KCNAB2: variants seen among roughly 807,000 people sequenced by gnomAD.
KCNAB2 encodes potassium voltage-gated channel subfamily A regulatory beta subunit 2, also known as voltage-gated potassium channel subunit beta-2.
Under a neutral mutation model 63.6 loss-of-function variants are expected in KCNAB2, and 29 were observed. The ratio of observed to expected loss-of-function variants is 0.46; its 90% CI spans 0.34 to 0.62. The LOEUF is 0.62. Ranked by LOEUF, KCNAB2 falls within the 20% of genes least tolerant of loss-of-function variation. The pLI is 0.01. For synonymous variants in KCNAB2, 222 were observed against 224.2 expected, an observed-to-expected ratio of 0.99 and a Z score of 0.09; for missense variants, 359 against 563.9, an observed-to-expected ratio of 0.64 and a Z score of 3.68.
intron 1 of KCNAB2, among the ~76,000 whole-genome samples, chr1:6,020,594 A>G (rs1034102681): frequency 1.3e-5 from 2 of 152,180 alleles, no homozygotes; most frequent in South Asian, 4.1e-4. Context: ...AAAATTCAGG[A>G]AATATAGGGG....
At chr1:6,082,503 G>A (rs183410504) in intron 5 of KCNAB2, among the ~76,000 whole-genome samples, 2 of 152,128 alleles carry the variant, frequency 1.3e-5, no homozygotes, top group African/African-American at 4.8e-5. Flanking sequence ...CCACCAGGGG[G>A]ACCACAGTCC....
At chr1:6,019,860 G>C (rs931837932) in intron 1 of KCNAB2, among the ~76,000 whole-genome samples, 2 of 152,242 alleles carry the variant, frequency 1.3e-5, no homozygotes, top group Admixed American at 6.5e-5. Context: ...GGTGTCCTCA[G>C]ATGCTCCAGG....
At position 6,003,910 on chromosome 1, in the gene KCNAB2, A is replaced by C. The variant is rs1570821697; in HGVS notation, c.-53+11122A>C. 6.6e-6 allele frequency among the ~76,000 whole-genome samples: 1 copy of C among 152,142 alleles called. No individual in the cohort carries two copies. Among genetic ancestry groups the C allele is most frequent in the South Asian group, 2.1e-4 (1 of 4,826 alleles). ...GGCCTTTAATGGATGTGGTGGAGTA[A>C]AGCTGCCTTTCAAATTGCTGCCGCA... On this transcript the variant is annotated intron_variant, in intron 1 of 16. Coordinates refer to the KCNAB2 transcript ENST00000341524. The surrounding 1 kb of genome is among the most constrained non-coding windows in gnomAD (Gnocchi z 4.1).
In KCNAB2 at chr1:6,098,737, C is replaced by A; in HGVS notation, c.*163C>A. 2.3e-6 allele frequency: 2 copies of A among 856,356 alleles called. No homozygotes were observed. The highest frequency in any genetic ancestry group is 3.5e-6 in the Non-Finnish European group (2 of 566,618). The allele number at this position is 856,356 out of a possible 1,614,324, so 53.0% of individuals were successfully genotyped here. On this transcript the variant is annotated 3_prime_UTR_variant, in exon 16 of 16. Transcript: ENST00000378083. ...GATCTCCCAAGTCGCTGCCAGACAC[C>A]ACCCACTGCTTCGCCGGACAATGTC...
chr1:6,088,896 G>A lies in KCNAB2; in HGVS notation c.471-112G>A, dbSNP rs533008596. 2,965 of 928,982 alleles carry A rather than the reference G, an allele frequency of 3.2e-3. 4 individuals are homozygous for A. The highest frequency in any genetic ancestry group is 3.9e-3 in the Non-Finnish European group (2,382 of 612,146). The allele number at this position is 928,982 out of a possible 1,614,324, so 57.5% of individuals were successfully genotyped here. On this transcript the variant is annotated intron_variant, in intron 7 of 15. Coordinates refer to ENST00000378083, the MANE Select transcript of KCNAB2 (RefSeq NM_001199862.2). ...CCCAAAGTGGAATCCGACTCCACAC[G>A]GCATTTGCTGACCCTGTTTTTGCGT... is the stretch of plus-strand genomic sequence containing the variant.
intron 1 of KCNAB2, 141 bp from the exon 2 acceptor site, chr1:6,051,370 C>A (rs1570961209): frequency 1.0e-6 from 1 of 973,302 alleles, no homozygotes; most frequent in Non-Finnish European, 1.4e-6. Flanking sequence ...GGGGCCGGGT[C>A]CCACTCCTAG....
chr1:6,096,198 T>G lies in KCNAB2; in HGVS notation c.949-438T>G. The G allele has an allele frequency of 2.2e-6, 1 of 456,498 alleles. No homozygotes were observed. Among genetic ancestry groups the G allele is most frequent in the Non-Finnish European group, 4.4e-6 (1 of 227,814 alleles). The allele number at this position is 456,498 out of a possible 1,614,324, so 28.3% of individuals were successfully genotyped here. ...CTGGCCCCCGACTCCTCCCATCCCA[T>G]GGCAAGGTCAGGGCCCCCCTCCAGG... On this transcript the variant is annotated intron_variant, in intron 13 of 15. Transcript: ENST00000378083. This position sits in a 1 kb window ranked among gnomAD's most constrained non-coding sequence, Gnocchi z 5.9.
intron 1 of KCNAB2, among the ~76,000 whole-genome samples, chr1:6,012,873 G>A (rs986968632): frequency 2.6e-5 from 4 of 152,016 alleles, no homozygotes; most frequent in Non-Finnish European, 5.9e-5. Flanking sequence ...ACCCATGCAC[G>A]CATGCCCATG....
At position 6,073,841 on chromosome 1, in the gene KCNAB2, CG is replaced by C; in HGVS notation, c.300+72del. 3 of 1,499,484 alleles carry C rather than the reference CG, an allele frequency of 2.0e-6. No individual in the cohort carries two copies. The highest frequency in any genetic ancestry group is 1.7e-4 in the Middle Eastern group (1 of 5,824). The allele number at this position is 1,499,484 out of a possible 1,614,324, so 92.9% of individuals were successfully genotyped here. ...CCAGAGCACATGGTTAAGTCTGCCG[CG>C]TGGACCAGTGAGCACGTGCTCCCGG... On this transcript the variant is annotated intron_variant, in intron 4 of 15. Transcript: ENST00000378083. This position sits in a 1 kb window ranked among gnomAD's most constrained non-coding sequence, Gnocchi z 5.7.
upstream of KCNAB2, chr1:6,041,367 G>T (rs552976538): frequency 1.4e-3 from 256 of 183,360 alleles, no homozygotes; most frequent in African/African-American, 5.7e-3. Flanking sequence ...CAGAGCCCGT[G>T]TCTGTGACAG....
At chr1:6,094,897 T>C (rs997143548) in intron 11 of KCNAB2, among the ~76,000 whole-genome samples, 1 of 152,194 alleles carries the variant, frequency 6.6e-6, no homozygotes, top group Non-Finnish European at 1.5e-5. Flanking sequence ...ACGTGCCCGG[T>C]GCTGTTAGGG....
chr1:6,066,824 A>G (rs1557475415), intron 2 of KCNAB2, among the ~76,000 whole-genome samples: 1 of 151,806 alleles, frequency 6.6e-6, no homozygotes, highest in East Asian at 1.9e-4. Flanking sequence ...AGCAGGCGGG[A>G]CTCTTGCTCC....
intron 1 of KCNAB2, among the ~76,000 whole-genome samples, chr1:6,016,490 C>T (rs1270808986): frequency 2.6e-5 from 4 of 152,222 alleles, no homozygotes; most frequent in South Asian, 2.1e-4. Flanking sequence ...TTCAATAGAC[C>T]GTGGAGCCAA....
At chr1:6,046,371 G>T (rs189159990) in intron 1 of KCNAB2, among the ~76,000 whole-genome samples, 188 bp downstream of exon 1, 1 of 152,328 alleles carries the variant, frequency 6.6e-6, no homozygotes, top group African/African-American at 2.4e-5. Flanking sequence ...AACTTGGAAT[G>T]ACCGTGATGG....
intron 15 of KCNAB2, chr1:6,098,094 G>A (rs562962885): frequency 6.6e-4 from 619 of 940,754 alleles, no homozygotes; most frequent in Admixed American, 1.3e-3. Flanking sequence ...AGGCGAGGTG[G>A]AAGTCGGTCC....
intron 1 of KCNAB2, among the ~76,000 whole-genome samples, chr1:6,047,683 GCC>G (rs925261183): frequency 2.6e-5 from 4 of 152,282 alleles, no homozygotes; most frequent in Admixed American, 1.3e-4. Flanking sequence ...AAATATCTGA[GCC>G]CCTCCTCTGT....
At position 6,087,420 on chromosome 1, in the gene KCNAB2, C is replaced by T. The variant is rs1664794567; in HGVS notation, c.426-47C>T. 1.2e-6 allele frequency: 2 copies of T among 1,604,904 alleles called. No individual in the cohort carries two copies. Among genetic ancestry groups the T allele is most frequent in the Non-Finnish European group, 1.7e-6 (2 of 1,171,612 alleles). ...GACGTCGGGGATGAAGGAGGACCCC[C>T]CAGGGGCCGGGCTTATCACACCCCT... On this transcript the variant is annotated intron_variant, in intron 6 of 15. Transcript: ENST00000378083. This position sits in a 1 kb window ranked among gnomAD's most constrained non-coding sequence, Gnocchi z 6.4.
intron 1 of KCNAB2, among the ~76,000 whole-genome samples, chr1:6,016,293 G>A (rs576196124): frequency 2.0e-5 from 3 of 152,290 alleles, no homozygotes; most frequent in African/African-American, 7.2e-5. Context: ...GGGTGGGTGG[G>A]ACTCCACAGG....
chr1:6,077,612 C>T (rs1473158269), intron 4 of KCNAB2, among the ~76,000 whole-genome samples: 1 of 152,182 alleles, frequency 6.6e-6, no homozygotes, highest in Non-Finnish European at 1.5e-5. Flanking sequence ...GCTTTCCTCC[C>T]AGGAGGGAGC....
Sources: gnomAD v4.1 joint callset for allele counts (sites outside exome capture counted in the v4.1 genomes callset) on GRCh38, gnomAD v4.1.1 for gene constraint, Gnocchi (gnomAD v3.1) non-coding constraint, MANE v1.5 for transcripts, NCBI Gene and HGNC (gene_info 2026-07-23, HGNC 2026-07-21) for gene names.